The following CLNK variants were observed in gnomAD, a reference collection of about 807,000 sequenced individuals.
CLNK encodes cytokine-dependent hematopoietic cell linker.
A neutral mutation model predicts 68.6 loss-of-function variants in CLNK; 74 were observed. The ratio of observed to expected loss-of-function variants is 1.08; its 90% CI spans 0.89 to 1.31. The LOEUF (loss-of-function observed/expected upper bound fraction) is 1.31. CLNK is among the 50% of genes most tolerant of loss of function. The pLI is 0.00. For synonymous variants in CLNK, 198 were observed against 172.2 expected, an observed-to-expected ratio of 1.15 and a Z score of -1.17; for missense variants, 553 against 515.3, an observed-to-expected ratio of 1.07 and a Z score of -0.71.
rs1243036922 is a variant in CLNK at position 10,600,552 on chromosome 4, T to TTGG, written c.12-2504_12-2503insCCA. 5.9e-5 allele frequency among the ~76,000 whole-genome samples: 9 copies of TTGG among 152,324 alleles called. No homozygotes were observed. The East Asian group carries it at 1.7e-3, about 29-fold the overall frequency. ...CATTCATTATGCATGTACATGTCCATATCCCCTTGCATTGGAGCCTTGCAA... is the reference window on the plus strand; with the variant it reads ...CATTCATTATGCATGTACATGTCCATTGGATCCCCTTGCATTGGAGCCTTGCAA... On this transcript the variant is annotated intron_variant, in intron 2 of 18. Coordinates refer to ENST00000226951, the MANE Select transcript of CLNK (RefSeq NM_052964.4).
chr4:10,722,644 G>A, the CLNK span, among the ~76,000 whole-genome samples: 1 of 152,192 alleles, frequency 6.6e-6, no homozygotes, highest in African/African-American at 2.4e-5. Context: ...AAGTAAAGAA[G>A]GAAGCAACAA....
At chr4:10,560,303 T>G (rs953357697) in intron 7 of CLNK, among the ~76,000 whole-genome samples, 1 of 152,232 alleles carries the variant, frequency 6.6e-6, no homozygotes, top group Non-Finnish European at 1.5e-5. Context: ...CAGTACATGC[T>G]CAATAAATAG....
At chr4:10,653,758 G>A (rs540506340) in intron 2 of CLNK, among the ~76,000 whole-genome samples, 2 of 152,216 alleles carry the variant, frequency 1.3e-5, no homozygotes, top group South Asian at 2.1e-4. Flanking sequence ...ATTAACCTTT[G>A]GCAAGCTTAA....
At chr4:10,594,989 T>TG (rs1173111995) in intron 3 of CLNK, among the ~76,000 whole-genome samples, 1 of 151,976 alleles carries the variant, frequency 6.6e-6, no homozygotes, top group Non-Finnish European at 1.5e-5. Context: ...AGCTACTGGC[T>TG]GGGGGGCTGA....
chr4:10,540,706 G>C, intron 10 of CLNK, 102 bp from the exon 11 acceptor site: 1 of 775,150 alleles, frequency 1.3e-6, no homozygotes, highest in Non-Finnish European at 2.2e-6. Flanking sequence ...CCCAGCTTTG[G>C]GTTGAAAATG....
chr4:10,540,684 G>A, intron 10 of CLNK, 80 bp from the exon 11 acceptor site: 1 of 933,148 alleles, frequency 1.1e-6, no homozygotes, highest in East Asian at 2.5e-5. Flanking sequence ...ACACTGCTCT[G>A]CCCTCCGTGT....
intron 7 of CLNK, among the ~76,000 whole-genome samples, chr4:10,564,269 T>C (rs1473132449): frequency 1.3e-5 from 2 of 152,042 alleles, no homozygotes; most frequent in Admixed American, 1.3e-4. Context: ...CTTAGAGAGG[T>C]TTCATGACTT....
At chr4:10,641,805 G>A (rs61796795) in intron 2 of CLNK, among the ~76,000 whole-genome samples, 6,298 of 152,056 alleles carry the variant, frequency 0.041, 187 homozygotes, top group Middle Eastern at 0.099. Context: ...GGAGGGACCC[G>A]GTTGGAGATA....
Position 10,540,483 on chromosome 4 carries a change from G to A in CLNK, c.602+11C>T, listed in dbSNP as rs1171923532. 1 of 1,584,382 alleles carries A rather than the reference G, an allele frequency of 6.3e-7. No individual in the cohort carries two copies. The highest frequency in any genetic ancestry group is 1.7e-5 in the Admixed American group (1 of 59,966). On this transcript the variant is annotated intron_variant, in intron 11 of 18. Coordinates refer to ENST00000226951, the MANE Select transcript of CLNK (RefSeq NM_052964.4). ...TGCTGGTCATTTCACCATTGATGAT[G>A]AATCTCTCACCTGGGCATTCTCTGG...
intron 2 of CLNK, among the ~76,000 whole-genome samples, chr4:10,640,376 G>T (rs905163813): frequency 2.6e-5 from 4 of 152,182 alleles, no homozygotes; most frequent in Admixed American, 2.6e-4. Flanking sequence ...ATTTTGGCCA[G>T]GCTGGTCTCG....
chr4:10,605,391 G>A (rs61794848), intron 2 of CLNK, among the ~76,000 whole-genome samples: 6,250 of 152,180 alleles, frequency 0.041, 187 homozygotes, highest in Middle Eastern at 0.099. Context: ...ATACGGTATA[G>A]CCTATTGCTC....
At chr4:10,713,056 C>A in the CLNK span, among the ~76,000 whole-genome samples, 4 of 152,178 alleles carry the variant, frequency 2.6e-5, no homozygotes, top group East Asian at 3.9e-4. Flanking sequence ...TTTAGAGACG[C>A]CTTCCAACCT....
At chr4:10,694,139 A>C in the CLNK span, among the ~76,000 whole-genome samples, 1 of 151,814 alleles carries the variant, frequency 6.6e-6, no homozygotes, top group African/African-American at 2.4e-5. Flanking sequence ...TACAATTGCC[A>C]CGTCAGTCTT....
the CLNK span, among the ~76,000 whole-genome samples, chr4:10,717,583 G>A: frequency 6.6e-6 from 1 of 152,036 alleles, no homozygotes; most frequent in African/African-American, 2.4e-5. Flanking sequence ...GTGACAGGGC[G>A]AGACTCCAAA....
At chr4:10,563,087 A>C (rs866737736) in intron 7 of CLNK, among the ~76,000 whole-genome samples, 21 of 152,348 alleles carry the variant, frequency 1.4e-4, no homozygotes, top group Admixed American at 1.3e-3. Context: ...AGTCTCTATC[A>C]GATATCTTCT....
At chr4:10,728,760 G>T in the CLNK span, among the ~76,000 whole-genome samples, 2 of 150,974 alleles carry the variant, frequency 1.3e-5, no homozygotes, top group Non-Finnish European at 1.5e-5. Flanking sequence ...GGCTAATTTT[G>T]TTTTTTTTGT....
At chr4:10,607,626 G>A (rs1560239408) in intron 2 of CLNK, among the ~76,000 whole-genome samples, 1 of 152,170 alleles carries the variant, frequency 6.6e-6, no homozygotes. Flanking sequence ...TAGGGAAATG[G>A]CTCAAATAGA....
the CLNK span, among the ~76,000 whole-genome samples, chr4:10,703,416 T>A: frequency 6.6e-6 from 1 of 152,180 alleles, no homozygotes; most frequent in East Asian, 1.9e-4. Context: ...TTGGGGGTTG[T>A]TTAATGTCTA....
intron 4 of CLNK, among the ~76,000 whole-genome samples, chr4:10,584,282 C>G (rs1179370236): frequency 6.6e-6 from 1 of 152,196 alleles, no homozygotes; most frequent in African/African-American, 2.4e-5. Flanking sequence ...TACATAACTC[C>G]TTATGACTCC....
Sources: allele counts gnomAD v4.1 joint callset (sites outside exome capture counted in the v4.1 genomes callset), GRCh38; gene constraint gnomAD v4.1.1; transcripts MANE v1.5; gene names NCBI Gene and HGNC (gene_info 2026-07-23, HGNC 2026-07-21).